Variants in FAH observed in about 807,000 individuals in gnomAD.
FAH encodes fumarylacetoacetase.
FAH carries 47 observed loss-of-function variants against 55.8 expected under a neutral mutation model. The observed-to-expected ratio is 0.84, with a 90% CI of 0.67 to 1.07. FAH has a LOEUF of 1.07. FAH is among the 50% of genes least tolerant of loss of function. FAH has a pLI of 0.00. For synonymous variants in FAH, 199 were observed against 207.7 expected, an observed-to-expected ratio of 0.96 and a Z score of 0.36; for missense variants, 495 against 545.9, an observed-to-expected ratio of 0.91 and a Z score of 0.93.
intron 10 of FAH, 143 bp from the exon 11 acceptor site, chr15:80,177,394 T>C (rs1449198014): frequency 1.3e-6 from 1 of 772,890 alleles, no homozygotes; most frequent in African/African-American, 1.7e-5. Context: ...AGCTCTGATG[T>C]CCTAGGAGCT....
chr15:80,165,314 A>G (rs2041182343), intron 5 of FAH, among the ~76,000 whole-genome samples: 1 of 152,166 alleles, frequency 6.6e-6, no homozygotes, highest in Admixed American at 6.5e-5. Flanking sequence ...GGATCACCTG[A>G]GGTCAGGAGT....
At position 80,173,100 on chromosome 15, in the gene FAH, C is replaced by A; in HGVS notation, c.793C>A (p.Pro265Thr). The A allele has an allele frequency of 1.2e-6, 2 of 1,614,218 alleles. No homozygotes were observed. Among genetic ancestry groups the A allele is most frequent in the Non-Finnish European group, 1.7e-6 (2 of 1,180,028 alleles). ...FGTTVSPWVVPMDALMPFAVP... is the reference protein window; with the variant it reads ...FGTTVSPWVVTMDALMPFAVP... ...GACCACTGTCTCTCCGTGGGTGGTG[C>A]CCATGGATGCTCTCATGCCCTTTGC... The change falls in exon 9 of 14, where the codon CCC becomes ACC. Residue 265 changes from proline (P) to threonine (T), a missense_variant. Pro to Thr is a conservative substitution (Grantham distance 38, BLOSUM62 -1). Coordinates refer to ENST00000561421, the MANE Select transcript of FAH (RefSeq NM_000137.4).
At chr15:80,186,510 C>G (rs2041372891), downstream of FAH, 1 of 460,518 alleles carries the variant, frequency 2.2e-6, no homozygotes, top group Non-Finnish European at 4.0e-6. Flanking sequence ...TCCTGGTATT[C>G]CATGGAATTT....
chr15:80,181,076 C>A lies in FAH; in HGVS notation c.1097C>A (p.Ser366Ter). ...AACTTCGGCTCCATGTTGGAACTGT[C>A]GTGGAAGGGAACGAAGCCCATAGAC... The part of the protein sequence containing the change: ...PENFGSMLEL[S>*]WKGTKPIDLG... The change falls in exon 13 of 14, where the codon TCG becomes TAG. Residue 366 changes from serine (S) to a stop codon, truncating the protein, a stop_gained. Transcript: ENST00000561421. LOFTEE classifies it high-confidence loss of function. 6.2e-7 allele frequency: 1 copy of A among 1,613,702 alleles called. No individual in the cohort carries two copies. Among genetic ancestry groups the A allele is most frequent in the South Asian group, 1.1e-5 (1 of 90,990 alleles).
chr15:80,159,989 G>A (rs2041135078), intron 3 of FAH, 112 bp downstream of exon 3: 5 of 1,389,292 alleles, frequency 3.6e-6, no homozygotes, highest in Non-Finnish European at 4.9e-6. Flanking sequence ...GTGTGGCCAA[G>A]TCAGACCTGC....
intron 10 of FAH, 153 bp from the exon 11 acceptor site, chr15:80,177,384 A>C: frequency 1.4e-6 from 1 of 731,688 alleles, no homozygotes; most frequent in South Asian, 1.5e-5. Context: ...TGGACCTCCC[A>C]GCTCTGATGT....
Position 80,153,103 on chromosome 15 carries a change from C to T in FAH, c.49C>T (p.Leu17=), listed in dbSNP as rs2041065702. Residue 17 remains leucine, a synonymous_variant, in exon 1 of 14, where the codon CTG becomes TTG. Coordinates refer to ENST00000561421, the MANE Select transcript of FAH (RefSeq NM_000137.4). ...AEDSDFPIHN[L]PYGVFSTRGD... The stretch of plus-strand genomic sequence containing the variant: ...GGATTCCGACTTCCCCATCCACAAC[C>T]TGCCCTACGGCGTCTTCTCGACCAG... The T allele has an allele frequency of 8.1e-6, 13 of 1,613,750 alleles. No individual in the cohort carries two copies. Among genetic ancestry groups the T allele is most frequent in the Non-Finnish European group, 1.1e-5 (13 of 1,179,972 alleles).
At chr15:80,169,106 G>A (rs967082245) in intron 7 of FAH, among the ~76,000 whole-genome samples, 2 of 152,098 alleles carry the variant, frequency 1.3e-5, no homozygotes, top group African/African-American at 4.8e-5. Flanking sequence ...TACCTGGCCG[G>A]GTGTGGTGGC....
intron 1 of FAH, among the ~76,000 whole-genome samples, chr15:80,154,148 C>T (rs576621845): frequency 2.2e-4 from 33 of 152,302 alleles, no homozygotes; most frequent in African/African-American, 7.9e-4. Flanking sequence ...AAAGTGGACA[C>T]TCAATCCCCT....
intron 13 of FAH, among the ~76,000 whole-genome samples, chr15:80,183,985 G>A (rs1296344884): frequency 6.6e-6 from 1 of 152,194 alleles, no homozygotes; most frequent in Non-Finnish European, 1.5e-5. Flanking sequence ...ATTTCTGAGA[G>A]AGTCCAAAAA....
rs777229152 is a variant in FAH at position 80,168,045 on chromosome 15, T to G, written c.456-7T>G. 1 of 1,613,030 alleles carries G rather than the reference T, an allele frequency of 6.2e-7. No individual in the cohort carries two copies. Among genetic ancestry groups the G allele is most frequent in the Non-Finnish European group, 8.5e-7 (1 of 1,179,018 alleles). On this transcript the variant is annotated splice_region_variant and splice_polypyrimidine_tract_variant and intron_variant, in intron 5 of 13. Coordinates refer to ENST00000561421, the MANE Select transcript of FAH (RefSeq NM_000137.4). The stretch of plus-strand genomic sequence containing the variant: ...ATGCCCTGCATTCTCTTGCCTTCCT[T>G]TCTCAGGCTGCACTTACCAGTGGGC...
At chr15:80,168,515 C>T in intron 7 of FAH, 199 bp downstream of exon 7, 1 of 620,900 alleles carries the variant, frequency 1.6e-6, no homozygotes, top group Admixed American at 2.9e-5. Context: ...GAATTCACAA[C>T]TACTTGCTAA....
intron 13 of FAH, among the ~76,000 whole-genome samples, 160 bp from the exon 14 acceptor site, chr15:80,185,970 C>T (rs935323314): frequency 6.6e-5 from 10 of 152,126 alleles, no homozygotes; most frequent in African/African-American, 9.7e-5. Context: ...GCCCAGCTTC[C>T]GTGGAGGGTT....
At chr15:80,166,255 C>G (rs2041190709) in intron 5 of FAH, 1 of 152,018 alleles carries the variant, frequency 6.6e-6, no homozygotes, top group Admixed American at 6.6e-5. Flanking sequence ...CCCTAAGTAG[C>G]TGGGATTAAA....
At chr15:80,184,574 C>CT (rs150367840) in intron 13 of FAH, among the ~76,000 whole-genome samples, 10,180 of 150,772 alleles carry the variant, frequency 0.068, 391 homozygotes, top group East Asian at 0.089. Flanking sequence ...CTTTAATAGG[C>CT]TTTTTTTTTC....
intron 8 of FAH, among the ~76,000 whole-genome samples, chr15:80,172,688 T>C (rs766635569): frequency 8.5e-5 from 13 of 152,186 alleles, no homozygotes; most frequent in Non-Finnish European, 1.8e-4. Flanking sequence ...CCCTTTGCCA[T>C]ACGTGGGAGG....
At position 80,153,016 on chromosome 15, in the gene FAH, G is replaced by A; in HGVS notation, c.-39G>A. 1.3e-6 allele frequency: 2 copies of A among 1,587,416 alleles called. No individual in the cohort carries two copies. Among genetic ancestry groups the A allele is most frequent in the Non-Finnish European group, 8.6e-7 (1 of 1,160,548 alleles). The stretch of plus-strand genomic sequence containing the variant: ...CCGAGTTCAGTCCTGCTCTCCGCAC[G>A]CCACCTTAGGCCCGCAGCCGTGCCG... On this transcript the variant is annotated 5_prime_UTR_variant, in exon 1 of 14. Coordinates refer to ENST00000561421, the MANE Select transcript of FAH (RefSeq NM_000137.4).
intron 13 of FAH, among the ~76,000 whole-genome samples, chr15:80,185,419 G>T (rs879652089): frequency 3.3e-5 from 5 of 152,240 alleles, no homozygotes; most frequent in African/African-American, 1.2e-4. Flanking sequence ...AGAGGAGCCA[G>T]GCTTTGACCT....
At chr15:80,180,068 G>T (rs1465001454) in intron 11 of FAH, 56 bp from the exon 12 acceptor site, 5 of 1,234,990 alleles carry the variant, frequency 4.0e-6, no homozygotes, top group Non-Finnish European at 5.8e-6. Flanking sequence ...AGCTGCCTCC[G>T]GGATGCTAGG....
Sources: gnomAD v4.1 joint callset for allele counts (sites outside exome capture counted in the v4.1 genomes callset) on GRCh38, gnomAD v4.1.1 for gene constraint, MANE v1.5 for transcripts, NCBI Gene and HGNC (gene_info 2026-07-23, HGNC 2026-07-21) for gene names.